The following NUP93 variants were observed in gnomAD, a reference collection of about 807,000 sequenced individuals.
NUP93 encodes nucleoporin 93.
In NUP93, 55 loss-of-function variants were observed where a neutral mutation model predicts 107.8. The observed-to-expected ratio is 0.51, with a 90% CI of 0.41 to 0.64. NUP93 has a LOEUF of 0.64. Ranked by LOEUF, NUP93 falls within the 30% of genes least tolerant of loss-of-function variation. NUP93 has a pLI of 0.00. For missense variants in NUP93, 937 were observed against 1,044.7 expected, an observed-to-expected ratio of 0.90 and a Z score of 1.42; for synonymous variants, 390 against 397.5, an observed-to-expected ratio of 0.98 and a Z score of 0.22.
chr16:56,817,559 G>T (rs1963458786), intron 5 of NUP93, among the ~76,000 whole-genome samples: 1 of 152,128 alleles, frequency 6.6e-6, no homozygotes, highest in Non-Finnish European at 1.5e-5. Context: ...GTACAAACTA[G>T]TCAGTGGGAA....
intron 3 of NUP93, among the ~76,000 whole-genome samples, chr16:56,761,198 A>G (rs1962120514): frequency 6.6e-6 from 1 of 152,126 alleles, no homozygotes; most frequent in Non-Finnish European, 1.5e-5. Flanking sequence ...ATCTGGGGGA[A>G]CTCCGTTTTA....
chr16:56,839,347 A>G (rs1963976320), intron 19 of NUP93, 174 bp from the exon 20 acceptor site: 4 of 489,356 alleles, frequency 8.2e-6, no homozygotes, highest in Non-Finnish European at 7.1e-6. Flanking sequence ...GTGTCAGGAA[A>G]TGATGATAAG....
rs369592998 is a variant in NUP93 at position 56,794,090 on chromosome 16, G to GTAGATAGATAGA, written c.298-4356_298-4345dup. ...GATAGATAGGTAGGTAGGTAGGTAG[G>GTAGATAGATAGA]TAGATAGATAGATAGATAGATAGAT... On this transcript the variant is annotated intron_variant, in intron 3 of 21. Coordinates refer to ENST00000308159, the MANE Select transcript of NUP93 (RefSeq NM_014669.5). 7.0e-4 allele frequency among the ~76,000 whole-genome samples: 53 copies of GTAGATAGATAGA among 76,060 alleles called. 1 individual carries two copies. Among genetic ancestry groups the GTAGATAGATAGA allele is most frequent in the Admixed American group, 3.1e-3 (22 of 7,160 alleles). 49.9% of individuals were successfully genotyped at this position (76,060 alleles called of 152,430 possible).
At chr16:56,737,524 T>A (rs1207400833) in intron 1 of NUP93, among the ~76,000 whole-genome samples, 1 of 152,152 alleles carries the variant, frequency 6.6e-6, no homozygotes, top group Non-Finnish European at 1.5e-5. Flanking sequence ...CAATCAGCAC[T>A]CCCCCTACAC....
chr16:56,823,623 C>G lies in NUP93; in HGVS notation c.655-84C>G, dbSNP rs1449267201. ...CCTCATCCCCCACCACATTCTGCCC[C>G]CTTTGGAGGTCAGAGTGCCACAAAG... On this transcript the variant is annotated intron_variant, in intron 7 of 21. Transcript: ENST00000308159. The G allele has an allele frequency of 3.4e-6, 5 of 1,490,278 alleles. No homozygotes were observed. In the Admixed American group the frequency reaches 5.1e-5, roughly 15 times the overall value. 92.3% of individuals were successfully genotyped at this position (1,490,278 alleles called of 1,614,324 possible).
chr16:56,775,711 C>CA (rs1260718519), intron 3 of NUP93, among the ~76,000 whole-genome samples: 2 of 151,772 alleles, frequency 1.3e-5, no homozygotes, highest in Non-Finnish European at 2.9e-5. Context: ...CTGTTTTTCC[C>CA]AAAAAAATGT....
chr16:56,803,022 C>A (rs765309548), intron 4 of NUP93, among the ~76,000 whole-genome samples: 2 of 135,438 alleles, frequency 1.5e-5, no homozygotes, highest in South Asian at 4.7e-4. Context: ...CCTTTATTTT[C>A]GCAGCTACCT....
intron 1 of NUP93, among the ~76,000 whole-genome samples, chr16:56,743,575 C>T (rs149207281): frequency 1.3e-5 from 2 of 152,068 alleles, no homozygotes; most frequent in East Asian, 3.9e-4. Flanking sequence ...GGGTCATTGT[C>T]CTTTGTTTGA....
chr16:56,814,433 G>A (rs1001070721), intron 5 of NUP93, among the ~76,000 whole-genome samples: 8 of 152,066 alleles, frequency 5.3e-5, no homozygotes, highest in Admixed American at 1.3e-4. Flanking sequence ...CAAGTGATCC[G>A]CCTGCCTCAG....
intron 3 of NUP93, among the ~76,000 whole-genome samples, chr16:56,760,965 A>C: frequency 6.6e-6 from 1 of 152,044 alleles, no homozygotes; most frequent in Admixed American, 6.5e-5. Context: ...TCTCAAAAAA[A>C]ACCAAAAAAA....
intron 6 of NUP93, among the ~76,000 whole-genome samples, chr16:56,821,283 T>C (rs1461296603): frequency 6.6e-6 from 1 of 152,156 alleles, no homozygotes; most frequent in Admixed American, 6.5e-5. Context: ...TGGACCCCGC[T>C]GCTCCCGTTC....
intron 3 of NUP93, among the ~76,000 whole-genome samples, chr16:56,775,354 C>G (rs1462125652): frequency 1.3e-5 from 2 of 152,180 alleles, no homozygotes; most frequent in African/African-American, 2.4e-5. Flanking sequence ...AATAATAATA[C>G]TCAGCAATTT....
Position 56,749,758 on chromosome 16 carries a change from A to G in NUP93, c.179+1332A>G, listed in dbSNP as rs55951233. Among the ~76,000 whole-genome samples, 409 of 152,332 alleles carry G rather than the reference A, an allele frequency of 2.7e-3. 2 individuals are homozygous for G. Among genetic ancestry groups the G allele is most frequent in the South Asian group, 4.8e-3 (23 of 4,820 alleles). On this transcript the variant is annotated intron_variant, in intron 2 of 21. Coordinates refer to ENST00000308159, the MANE Select transcript of NUP93 (RefSeq NM_014669.5). ...AAATTCTTCTGTAGACCTCCCCAAA[A>G]TGTTATTTTCTAAAATAACTAGTTG...
chr16:56,798,945 A>G (rs1197430964), intron 4 of NUP93, among the ~76,000 whole-genome samples: 2 of 151,878 alleles, frequency 1.3e-5, no homozygotes, highest in African/African-American at 4.8e-5. Context: ...GCTGGAATCT[A>G]TCCTATGCCC....
At chr16:56,740,309 C>A (rs376518217) in intron 1 of NUP93, among the ~76,000 whole-genome samples, 3 of 116,448 alleles carry the variant, frequency 2.6e-5, no homozygotes, top group African/African-American at 9.5e-5. Flanking sequence ...ACTTCTCAGA[C>A]GGGGCGGCCG....
chr16:56,775,554 T>C (rs1175314185), intron 3 of NUP93, among the ~76,000 whole-genome samples: 1 of 152,158 alleles, frequency 6.6e-6, no homozygotes, highest in Non-Finnish European at 1.5e-5. Context: ...ACTGGAAACG[T>C]TTTGGTCTCC....
chr16:56,745,890 T>C (rs1285811152), intron 1 of NUP93, among the ~76,000 whole-genome samples: 7 of 152,254 alleles, frequency 4.6e-5, no homozygotes, highest in Non-Finnish European at 4.4e-5. Context: ...CTGTATTAAT[T>C]ACTTAAATTC....
intron 2 of NUP93, among the ~76,000 whole-genome samples, chr16:56,754,267 A>C (rs980663265): frequency 6.6e-6 from 1 of 152,154 alleles, no homozygotes; most frequent in Non-Finnish European, 1.5e-5. Flanking sequence ...TGAGGATTAC[A>C]GTTCGACATG....
intron 2 of NUP93, among the ~76,000 whole-genome samples, chr16:56,752,309 T>A (rs1961936880): frequency 6.6e-6 from 1 of 152,130 alleles, no homozygotes; most frequent in South Asian, 2.1e-4. Flanking sequence ...TACAGCATTA[T>A]TTGTAATAGC....
Sources: allele counts gnomAD v4.1 joint callset (sites outside exome capture counted in the v4.1 genomes callset), GRCh38; gene constraint gnomAD v4.1.1; transcripts MANE v1.5; gene names NCBI Gene and HGNC (gene_info 2026-07-23, HGNC 2026-07-21).